PPIL1: variants seen among roughly 807,000 people sequenced by gnomAD.
PPIL1 encodes the protein peptidyl-prolyl cis-trans isomerase-like 1.
In PPIL1, 14 loss-of-function variants were observed where a neutral mutation model predicts 19.4. The ratio of observed to expected loss-of-function variants is 0.72; its 90% CI spans 0.48 to 1.13. PPIL1 has a LOEUF of 1.13. PPIL1 is among the 50% of genes most tolerant of loss of function. The probability of loss-of-function intolerance (pLI) is 0.00; values close to 1 mark genes in which losing one functional copy is unlikely to be tolerated. For missense variants in PPIL1, 192 were observed against 218.0 expected (o/e 0.88, Z 0.75); for synonymous variants, 72 against 73.6 (o/e 0.98, Z 0.11).
chr6:36,864,425 T>A (rs888979917), intron 2 of PPIL1, among the ~76,000 whole-genome samples: 1 of 152,156 alleles, frequency 6.6e-6, no homozygotes, highest in Admixed American at 6.5e-5. Context: ...GTCTAAGGCC[T>A]CTGGCTGCTG....
Position 36,855,498 on chromosome 6 carries a change from G to A in PPIL1, c.*315C>T. ...GCAAAACCACTGAGAAATGACAGTG[G>A]CTGCTACATTGTTCGACGTATATCA... On this transcript the variant is annotated 3_prime_UTR_variant, in exon 4 of 4. Transcript: ENST00000373699. The A allele has an allele frequency of 6.2e-6, 2 of 324,382 alleles. No homozygotes were observed. The highest frequency in any genetic ancestry group is 6.9e-5 in the East Asian group (1 of 14,476). The allele number at this position is 324,382 out of a possible 1,614,324, so 20.1% of individuals were successfully genotyped here. A position where few individuals can be genotyped will look rare whatever the true frequency, so the allele number is the denominator to read the frequency against.
chr6:36,865,442 G>A (rs906178726), intron 2 of PPIL1, among the ~76,000 whole-genome samples: 1 of 152,200 alleles, frequency 6.6e-6, no homozygotes, highest in African/African-American at 2.4e-5. Context: ...TGATGCATTT[G>A]TTCTGGGTGT....
chr6:36,857,314 A>G (rs982042671), intron 2 of PPIL1, among the ~76,000 whole-genome samples: 2 of 152,214 alleles, frequency 1.3e-5, no homozygotes, highest in Non-Finnish European at 2.9e-5. Context: ...AGAAAGGGAC[A>G]TTACGGTCGG....
chr6:36,873,823 G>A (rs1243865343), intron 1 of PPIL1, among the ~76,000 whole-genome samples: 4 of 152,152 alleles, frequency 2.6e-5, no homozygotes, highest in Non-Finnish European at 5.9e-5. Context: ...GCTGTTGAGG[G>A]GAGAATGGCA....
chr6:36,864,560 A>G (rs1305555295), intron 2 of PPIL1, among the ~76,000 whole-genome samples: 2 of 151,822 alleles, frequency 1.3e-5, no homozygotes, highest in African/African-American at 4.8e-5. Context: ...CACTTCCCTC[A>G]CCCTCTAGCC....
At position 36,871,742 on chromosome 6, in the gene PPIL1, G is replaced by A; in HGVS notation, c.187C>T (p.Gln63Ter). The change falls in exon 2 of 4, where the codon CAA becomes TAA. Residue 63 changes from glutamine (Q) to a stop codon, truncating the protein, a stop_gained. Transcript: ENST00000373699. LOFTEE classifies it high-confidence loss of function. ...FHRIIKDFMI[Q>*]GGDPTGTGRG... ...CCTGTCCCTGTTGGGTCACCTCCTT[G>A]GATCATGAAGTCTTTGATAATTCTG... 6.2e-7 allele frequency: 1 copy of A among 1,609,140 alleles called. No individual in the cohort carries two copies. Among genetic ancestry groups the A allele is most frequent in the Non-Finnish European group, 8.5e-7 (1 of 1,178,094 alleles).
chr6:36,862,484 G>A (rs1774310804), intron 2 of PPIL1, among the ~76,000 whole-genome samples: 1 of 152,206 alleles, frequency 6.6e-6, no homozygotes, highest in African/African-American at 2.4e-5. Context: ...GCTGAGTCAA[G>A]CTTCTGAGAA....
At chr6:36,864,994 C>A (rs555388437) in intron 2 of PPIL1, among the ~76,000 whole-genome samples, 37 of 148,960 alleles carry the variant, frequency 2.5e-4, no homozygotes, top group East Asian at 5.8e-4. Flanking sequence ...AAAAAAAAAA[C>A]CAGTCACATT....
intron 2 of PPIL1, among the ~76,000 whole-genome samples, chr6:36,866,584 A>G (rs1774397812): frequency 6.6e-6 from 1 of 152,106 alleles, no homozygotes; most frequent in African/African-American, 2.4e-5. Context: ...AAATTACACC[A>G]TGGAAATGTG....
chr6:36,864,038 G>A (rs532778385), intron 2 of PPIL1, among the ~76,000 whole-genome samples: 4 of 151,930 alleles, frequency 2.6e-5, no homozygotes, highest in African/African-American at 9.7e-5. Flanking sequence ...CTATCTTGGT[G>A]TTTGCTTCCC....
At chr6:36,874,156 T>C (rs1774582309) in intron 1 of PPIL1, among the ~76,000 whole-genome samples, 1 of 152,208 alleles carries the variant, frequency 6.6e-6, no homozygotes, top group Non-Finnish European at 1.5e-5. Flanking sequence ...AGTTAAATAA[T>C]ACCTTCATGA....
intron 2 of PPIL1, among the ~76,000 whole-genome samples, chr6:36,866,710 G>A (rs1299608745): frequency 2.0e-5 from 3 of 152,080 alleles, no homozygotes; most frequent in African/African-American, 7.2e-5. Context: ...CAGTTCACTG[G>A]TATTAAGAAT....
intron 2 of PPIL1, among the ~76,000 whole-genome samples, chr6:36,866,813 A>C (rs879591848): frequency 1.3e-5 from 2 of 152,186 alleles, no homozygotes; most frequent in Non-Finnish European, 2.9e-5. Flanking sequence ...CAGACAAAGA[A>C]AGTAGAATGA....
intron 2 of PPIL1, among the ~76,000 whole-genome samples, chr6:36,864,036 G>A (rs1774344682): frequency 6.6e-6 from 1 of 151,656 alleles, no homozygotes; most frequent in African/African-American, 2.4e-5. Flanking sequence ...CTCTATCTTG[G>A]TGTTTGCTTC....
intron 2 of PPIL1, among the ~76,000 whole-genome samples, chr6:36,859,922 G>A (rs1265986276): frequency 6.6e-6 from 1 of 151,798 alleles, no homozygotes; most frequent in Non-Finnish European, 1.5e-5. Flanking sequence ...TCTGCCTCCC[G>A]GGTTCAAGTG....
intron 2 of PPIL1, among the ~76,000 whole-genome samples, chr6:36,859,823 G>A (rs1020948961): frequency 6.6e-6 from 1 of 151,388 alleles, no homozygotes; most frequent in Non-Finnish European, 1.5e-5. Context: ...GTGTGTGTGT[G>A]TGTGTGTGTG....
chr6:36,861,682 T>G (rs1308141346), intron 2 of PPIL1, among the ~76,000 whole-genome samples: 23 of 98,854 alleles, frequency 2.3e-4, no homozygotes, highest in South Asian at 5.8e-4. Context: ...TGATCTGTGT[T>G]TTTTTTTTTT....
At chr6:36,863,692 T>C (rs146688295) in intron 2 of PPIL1, among the ~76,000 whole-genome samples, 15 of 152,240 alleles carry the variant, frequency 9.9e-5, no homozygotes, top group African/African-American at 3.6e-4. Context: ...TGCTTGAACA[T>C]GCTCCATTCA....
intron 2 of PPIL1, among the ~76,000 whole-genome samples, chr6:36,869,938 G>C (rs1053368288): frequency 6.6e-6 from 1 of 152,024 alleles, no homozygotes; most frequent in Non-Finnish European, 1.5e-5. Context: ...AACCAGACAT[G>C]ATGGGCACCA....
Sources: allele counts gnomAD v4.1 joint callset (sites outside exome capture counted in the v4.1 genomes callset), GRCh38; gene constraint gnomAD v4.1.1; transcripts MANE v1.5; gene names NCBI Gene and HGNC (gene_info 2026-07-23, HGNC 2026-07-21).